Variants in KCNK9 observed in about 807,000 individuals in gnomAD.
KCNK9 encodes potassium two pore domain channel subfamily K member 9, also known as potassium channel subfamily K member 9.
Under a neutral mutation model 10.8 loss-of-function variants are expected in KCNK9, and 1 was observed. That is an observed-to-expected ratio of 0.09 (90% CI 0.03 to 0.44). KCNK9 has a LOEUF of 0.44. Among genes scored for constraint, KCNK9 ranks in the 20% least tolerant of loss-of-function variants. The probability of loss-of-function intolerance (pLI) is 0.97; values close to 1 mark genes in which losing one functional copy is unlikely to be tolerated. For missense variants in KCNK9, 303 were observed against 515.0 expected (o/e 0.59, Z 3.98); for synonymous variants, 231 against 222.7 (o/e 1.04, Z -0.33).
intron 1 of KCNK9, among the ~76,000 whole-genome samples, chr8:139,660,619 T>A (rs188767204): frequency 4.6e-5 from 7 of 152,020 alleles, no homozygotes; most frequent in Admixed American, 4.6e-4. Flanking sequence ...ACACCCTGTC[T>A]TTAAAAAAAT....
At chr8:139,675,475 A>G (rs10105519) in intron 1 of KCNK9, among the ~76,000 whole-genome samples, 74,724 of 151,958 alleles carry the variant, frequency 0.49, 18,660 homozygotes, top group Non-Finnish European at 0.53. Context: ...ATAAGGACAG[A>G]CCCCAGAAAG....
At chr8:139,635,234 C>T (rs904776432) in intron 1 of KCNK9, among the ~76,000 whole-genome samples, 2 of 152,226 alleles carry the variant, frequency 1.3e-5, no homozygotes, top group Non-Finnish European at 2.9e-5. Context: ...CTGTTCTAAA[C>T]AGCAGAGTAA....
At chr8:139,645,111 C>T (rs1164788788) in intron 1 of KCNK9, among the ~76,000 whole-genome samples, 1 of 152,180 alleles carries the variant, frequency 6.6e-6, no homozygotes, top group Non-Finnish European at 1.5e-5. Flanking sequence ...AGAGTGCAAG[C>T]CATAGACCAC....
At position 139,698,600 on chromosome 8, in the gene KCNK9, C is replaced by T. The variant is rs1817122807; in HGVS notation, c.283+4110G>A. Among the ~76,000 whole-genome samples, 3 of 152,214 alleles carry T rather than the reference C, an allele frequency of 2.0e-5. No individual in the cohort carries two copies. The South Asian group carries it at 6.2e-4, about 31-fold the overall frequency. Reference sequence around the variant, plus strand: ...AGCTGCCCCTAGACTGCACCCTGGACTGCAACCAACTGTTTGGGTTTCCAG... The same window carrying T: ...AGCTGCCCCTAGACTGCACCCTGGATTGCAACCAACTGTTTGGGTTTCCAG... On this transcript the variant is annotated intron_variant, in intron 1 of 1. Transcript: ENST00000520439.
At chr8:139,663,374 T>C (rs1221098072) in intron 1 of KCNK9, among the ~76,000 whole-genome samples, 2 of 152,052 alleles carry the variant, frequency 1.3e-5, no homozygotes, top group African/African-American at 4.8e-5. Context: ...GGTGGTCACA[T>C]GCTCTCGGCG....
intron 1 of KCNK9, among the ~76,000 whole-genome samples, chr8:139,636,953 T>C (rs1055432377): frequency 2.0e-5 from 3 of 152,208 alleles, no homozygotes; most frequent in Non-Finnish European, 4.4e-5. Flanking sequence ...GCAGTATTTG[T>C]TGAAAACAAT....
chr8:139,605,501 A>G (rs183394904), intron 2 of KCNK9, among the ~76,000 whole-genome samples: 1 of 152,330 alleles, frequency 6.6e-6, no homozygotes, highest in Admixed American at 6.5e-5. Context: ...ACCAAGAGCA[A>G]ACAGGGTATA....
intron 1 of KCNK9, among the ~76,000 whole-genome samples, chr8:139,661,859 AG>A (rs1213544543): frequency 6.6e-6 from 1 of 152,214 alleles, no homozygotes; most frequent in Non-Finnish European, 1.5e-5. Context: ...GGTGAGGCCT[AG>A]CCCCAGGAGG....
chr8:139,667,311 G>GCA (rs1367477367), intron 1 of KCNK9, among the ~76,000 whole-genome samples: 4 of 152,224 alleles, frequency 2.6e-5, no homozygotes, highest in African/African-American at 4.8e-5. Context: ...AACTGAATGG[G>GCA]CTTGTAGCAG....
chr8:139,677,458 G>T (rs1816574490), intron 1 of KCNK9, among the ~76,000 whole-genome samples: 2 of 152,110 alleles, frequency 1.3e-5, no homozygotes, highest in African/African-American at 4.8e-5. Flanking sequence ...CGCCTGGGCT[G>T]CTGGTTTGTT....
chr8:139,649,499 C>G (rs544706946), intron 1 of KCNK9, among the ~76,000 whole-genome samples: 1 of 152,332 alleles, frequency 6.6e-6, no homozygotes, highest in South Asian at 2.1e-4. Flanking sequence ...GTCCCTGCCT[C>G]TGCCTTGCCT....
At chr8:139,642,381 A>T (rs1199565086) in intron 1 of KCNK9, among the ~76,000 whole-genome samples, 1 of 152,244 alleles carries the variant, frequency 6.6e-6, no homozygotes, top group African/African-American at 2.4e-5. Context: ...AATAAAATTA[A>T]AAACTTAAAT....
Position 139,618,483 on chromosome 8 carries a change from G to C in KCNK9, c.900C>G (p.Thr300=). 1.2e-6 allele frequency: 2 copies of C among 1,613,900 alleles called. No individual in the cohort carries two copies. Among genetic ancestry groups the C allele is most frequent in the South Asian group, 1.1e-5 (1 of 91,084 alleles). The change falls in exon 2 of 2, where the codon ACC becomes ACG. Residue 300 remains threonine (T), a synonymous_variant. Transcript: ENST00000520439. This position sits in a 1 kb window ranked among gnomAD's most constrained non-coding sequence, Gnocchi z 7.9. ...CGCCATAGTCCTGCGAGCGGTAGCA[G>C]GTGCAGGAGCACACAGACTGCAGGT... is the stretch of plus-strand genomic sequence containing the variant. ...VPDLQSVCSC[T]CYRSQDYGGR...
intron 1 of KCNK9, among the ~76,000 whole-genome samples, chr8:139,695,216 T>C (rs538886393): frequency 3.3e-5 from 5 of 152,370 alleles, no homozygotes; most frequent in Admixed American, 3.3e-4. Context: ...AACAAGTTAA[T>C]GCAGGAAGGG....
intron 2 of KCNK9, among the ~76,000 whole-genome samples, chr8:139,607,141 T>G (rs1586620802): frequency 6.6e-6 from 1 of 152,228 alleles, no homozygotes; most frequent in African/African-American, 2.4e-5. Flanking sequence ...ACTAATTGTG[T>G]TTTTCCTTTC....
chr8:139,677,761 A>T (rs1563747762), intron 1 of KCNK9, among the ~76,000 whole-genome samples: 1 of 145,280 alleles, frequency 6.9e-6, no homozygotes, highest in Admixed American at 6.7e-5. Context: ...AATACCTCAC[A>T]TCTGATCCCA....
chr8:139,658,148 G>C (rs531487380), intron 1 of KCNK9, among the ~76,000 whole-genome samples: 1 of 152,334 alleles, frequency 6.6e-6, no homozygotes, highest in South Asian at 2.1e-4. Context: ...AGAGTTTGCA[G>C]AGGCAAGGAG....
intron 1 of KCNK9, among the ~76,000 whole-genome samples, chr8:139,638,651 C>T (rs1265410516): frequency 6.6e-6 from 1 of 152,160 alleles, no homozygotes; most frequent in Non-Finnish European, 1.5e-5. Flanking sequence ...GGGGATAGTC[C>T]CTACCAGCCT....
chr8:139,654,892 G>C (rs909162515), intron 1 of KCNK9, among the ~76,000 whole-genome samples: 1 of 152,118 alleles, frequency 6.6e-6, no homozygotes, highest in Non-Finnish European at 1.5e-5. Context: ...CGGCTAGAGA[G>C]AGTGGGCGGA....
Sources: allele counts gnomAD v4.1 joint callset (sites outside exome capture counted in the v4.1 genomes callset), GRCh38; gene constraint gnomAD v4.1.1; non-coding constraint Gnocchi (gnomAD v3.1); transcripts MANE v1.5; gene names NCBI Gene and HGNC (gene_info 2026-07-23, HGNC 2026-07-21).